Variants in LIN54 observed in about 807,000 individuals in gnomAD.
LIN54 encodes protein lin-54 homolog.
In LIN54, 9 loss-of-function variants were observed where a neutral mutation model predicts 78.7. The observed-to-expected ratio is 0.11, with a 90% CI of 0.07 to 0.20. LIN54 has a LOEUF of 0.20. Ranked by LOEUF, LIN54 falls within the 10% of genes least tolerant of loss-of-function variation. The probability of loss-of-function intolerance (pLI) is 1.00; values close to 1 mark genes in which losing one functional copy is unlikely to be tolerated. For synonymous variants in LIN54, 269 were observed against 318.4 expected (o/e 0.84, Z 1.65); for missense variants, 573 against 889.9 (o/e 0.64, Z 4.53).
rs370018866 is a variant in LIN54 at position 82,970,337 on chromosome 4, G to A, written c.941C>T (p.Ser314Leu). 24 of 1,602,934 alleles carry A rather than the reference G, an allele frequency of 1.5e-5. No homozygotes were observed. Among genetic ancestry groups the A allele is most frequent in the Non-Finnish European group, 1.9e-5 (22 of 1,176,700 alleles). ...AATTTATTTTTTTACCTTATTTGGC[G>A]ATTTCAAAGGTGAGATGGCTATTTT... The part of the protein sequence containing the change: ...PNKIAISPLK[S>L]PNKAVKSTVQ... The change falls in exon 4 of 13, where the codon TCG becomes TTG. Residue 314 changes from serine to leucine, a missense_variant. Physicochemically the swap from Ser to Leu is moderately radical, Grantham distance 145 (BLOSUM62 -2). Coordinates refer to ENST00000340417, the MANE Select transcript of LIN54 (RefSeq NM_194282.4).
At chr4:82,996,569 C>T (rs1173066968) in intron 1 of LIN54, among the ~76,000 whole-genome samples, 1 of 151,878 alleles carries the variant, frequency 6.6e-6, no homozygotes, top group Middle Eastern at 3.2e-3. Context: ...CCATGCCTGG[C>T]TAATTTTTGT....
At chr4:82,998,059 T>TAC (rs773118750) in intron 1 of LIN54, among the ~76,000 whole-genome samples, 2,320 of 134,800 alleles carry the variant, frequency 0.017, 71 homozygotes, top group African/African-American at 0.057. Flanking sequence ...TATATATATA[T>TAC]ACACGTATAT....
intron 4 of LIN54, among the ~76,000 whole-genome samples, chr4:82,947,632 A>G (rs562410788): frequency 2.0e-5 from 3 of 152,248 alleles, no homozygotes; most frequent in South Asian, 4.1e-4. Flanking sequence ...ACAAAAGGCA[A>G]TGGGAATTCC....
chr4:83,010,749 C>G lies in LIN54; in HGVS notation c.-298G>C. On this transcript the variant is annotated 5_prime_UTR_variant, in exon 1 of 13. Transcript: ENST00000340417. The stretch of plus-strand genomic sequence containing the variant: ...TTCGAAAGATCCGCCATTTTCACCT[C>G]GTCATCACCATCACAGCTCAGCAGC... The G allele has an allele frequency of 8.1e-7, 1 of 1,231,476 alleles. No individual in the cohort carries two copies. The highest frequency in any genetic ancestry group is 1.0e-6 in the Non-Finnish European group (1 of 987,690). The allele number at this position is 1,231,476 out of a possible 1,614,324, so 76.3% of individuals were successfully genotyped here.
At chr4:82,947,212 T>TATATAC (rs1376783547) in intron 4 of LIN54, among the ~76,000 whole-genome samples, 5 of 8,254 alleles carry the variant, frequency 6.1e-4, no homozygotes, top group African/African-American at 1.7e-3. Context: ...AAAATTTATA[T>TATATAC]ATATATATAT....
intron 1 of LIN54, among the ~76,000 whole-genome samples, chr4:82,997,323 A>G (rs1457604236): frequency 6.6e-6 from 1 of 152,090 alleles, no homozygotes; most frequent in Non-Finnish European, 1.5e-5. Context: ...TACACTAACA[A>G]ACTGAGAAAC....
At chr4:82,987,407 A>G (rs1278111701) in intron 1 of LIN54, among the ~76,000 whole-genome samples, 1 of 152,130 alleles carries the variant, frequency 6.6e-6, no homozygotes, top group Non-Finnish European at 1.5e-5. Context: ...TTTCTAAGAA[A>G]AAAACAAAAA....
chr4:82,970,203 G>A (rs1285846821), intron 4 of LIN54, 124 bp downstream of exon 4: 7 of 834,016 alleles, frequency 8.4e-6, no homozygotes, highest in Non-Finnish European at 1.1e-5. Context: ...AATTAATCCA[G>A]TATTCATTGA....
intron 1 of LIN54, among the ~76,000 whole-genome samples, chr4:83,002,220 A>T (rs1171504043): frequency 6.6e-6 from 1 of 151,912 alleles, no homozygotes; most frequent in Non-Finnish European, 1.5e-5. Flanking sequence ...ACAGTGAAAA[A>T]AAGCTTGCTA....
At chr4:82,946,912 G>A (rs1236108146) in intron 4 of LIN54, among the ~76,000 whole-genome samples, 1 of 151,818 alleles carries the variant, frequency 6.6e-6, no homozygotes, top group East Asian at 1.9e-4. Context: ...ATATTCCCAT[G>A]TTCTGTATGT....
At chr4:82,971,973 T>C (rs2126072449) in intron 3 of LIN54, among the ~76,000 whole-genome samples, 1 of 147,088 alleles carries the variant, frequency 6.8e-6, no homozygotes, top group South Asian at 2.2e-4. Flanking sequence ...AAGAAGGGAC[T>C]TTCACTTTAG....
chr4:82,991,268 T>G (rs534139684), intron 1 of LIN54, among the ~76,000 whole-genome samples: 64 of 152,324 alleles, frequency 4.2e-4, no homozygotes, highest in African/African-American at 1.3e-3. Flanking sequence ...CATATTTTGT[T>G]AAATTTATCC....
intron 2 of LIN54, 31 bp from the exon 3 acceptor site, chr4:82,979,037 C>G: frequency 6.6e-7 from 1 of 1,504,258 alleles, no homozygotes; most frequent in Non-Finnish European, 9.0e-7. Flanking sequence ...TGAAGACCAT[C>G]TGTTTCTATA....
At chr4:82,929,327 T>A (rs183233562) in intron 12 of LIN54, among the ~76,000 whole-genome samples, 4 of 152,272 alleles carry the variant, frequency 2.6e-5, no homozygotes, top group Non-Finnish European at 2.9e-5. Flanking sequence ...TTCCCAATTT[T>A]AAAAATTAAT....
chr4:83,002,191 C>T (rs190782603), intron 1 of LIN54, among the ~76,000 whole-genome samples: 1 of 151,604 alleles, frequency 6.6e-6, no homozygotes, highest in African/African-American at 2.4e-5. Context: ...CTACGATACA[C>T]ACAATGAAGC....
chr4:82,961,907 G>A (rs190471098), intron 4 of LIN54, among the ~76,000 whole-genome samples: 1 of 149,876 alleles, frequency 6.7e-6, no homozygotes, highest in Non-Finnish European at 1.5e-5. Flanking sequence ...AGTGAGCCAA[G>A]ATGGCACCAC....
Position 83,001,765 on chromosome 4 carries a change from A to G in LIN54, c.-33+8719T>C, listed in dbSNP as rs554955517. On this transcript the variant is annotated intron_variant, in intron 1 of 12. Coordinates refer to ENST00000340417, the MANE Select transcript of LIN54 (RefSeq NM_194282.4). ...AGGGAGGCTGAGGCAGGAGAATGGC[A>G]TGAACCCGGGAGGCAGAGCTTGCAG... 7.1e-3 allele frequency among the ~76,000 whole-genome samples: 1,041 copies of G among 146,330 alleles called. 8 individuals carry two copies. Among genetic ancestry groups the G allele is most frequent in the Non-Finnish European group, 9.9e-3 (663 of 66,710 alleles).
intron 11 of LIN54, among the ~76,000 whole-genome samples, chr4:82,933,359 G>A (rs1266616526): frequency 6.6e-6 from 1 of 150,616 alleles, no homozygotes; most frequent in South Asian, 2.1e-4. Context: ...TTAGCTTGGC[G>A]AATTTAACTT....
intron 2 of LIN54, among the ~76,000 whole-genome samples, chr4:82,983,215 G>A (rs1197615098): frequency 7.2e-5 from 11 of 151,840 alleles, no homozygotes; most frequent in Non-Finnish European, 1.5e-4. Flanking sequence ...CACCATGTTG[G>A]GCAGGCTAGT....
Sources: gnomAD v4.1 joint callset for allele counts (sites outside exome capture counted in the v4.1 genomes callset) on GRCh38, gnomAD v4.1.1 for gene constraint, MANE v1.5 for transcripts, NCBI Gene and HGNC (gene_info 2026-07-23, HGNC 2026-07-21) for gene names.